LRRFIP2: variants seen among roughly 807,000 people sequenced by gnomAD.
The protein encoded by LRRFIP2 is LRR binding FLII interacting protein 2, also known as leucine-rich repeat flightless-interacting protein 2.
LRRFIP2 carries 109 observed loss-of-function variants against 125.9 expected under a neutral mutation model. The ratio of observed to expected loss-of-function variants is 0.87; its 90% CI spans 0.74 to 1.01. The LOEUF is 1.01. Among genes scored for constraint, LRRFIP2 ranks in the 50% least tolerant of loss-of-function variants. The pLI is 0.00. For missense variants in LRRFIP2, 850 were observed against 862.3 expected (o/e 0.99, Z 0.18); for synonymous variants, 291 against 293.1 (o/e 0.99, Z 0.07).
intron 2 of LRRFIP2, among the ~76,000 whole-genome samples, chr3:37,130,305 A>G (rs1375323520): frequency 6.6e-6 from 1 of 152,194 alleles, no homozygotes; most frequent in African/African-American, 2.4e-5. Flanking sequence ...TATCTTCTAC[A>G]TGGTTATATG....
At chr3:37,119,736 C>T (rs937594387) in intron 6 of LRRFIP2, among the ~76,000 whole-genome samples, 2 of 152,170 alleles carry the variant, frequency 1.3e-5, no homozygotes, top group African/African-American at 2.4e-5. Context: ...TCTCAGCTCA[C>T]TGCAACCTCC....
intron 2 of LRRFIP2, among the ~76,000 whole-genome samples, chr3:37,147,998 A>G (rs1159716577): frequency 6.6e-6 from 1 of 152,172 alleles, no homozygotes; most frequent in Non-Finnish European, 1.5e-5. Flanking sequence ...TTCCACTGCA[A>G]TGTTTCAAAA....
chr3:37,132,050 G>C (rs1577150517), intron 2 of LRRFIP2, among the ~76,000 whole-genome samples: 3 of 152,066 alleles, frequency 2.0e-5, no homozygotes, highest in African/African-American at 7.2e-5. Context: ...TTTTACACTG[G>C]CCTCCGTCTT....
chr3:37,153,548 T>C (rs2096090110), intron 1 of LRRFIP2, among the ~76,000 whole-genome samples: 1 of 152,230 alleles, frequency 6.6e-6, no homozygotes. Flanking sequence ...TTCTTTCTTT[T>C]CTTTCTCCTC....
intron 13 of LRRFIP2, 75 bp from the exon 14 acceptor site, chr3:37,105,598 G>T: frequency 9.1e-7 from 1 of 1,094,614 alleles, no homozygotes; most frequent in Admixed American, 1.8e-5. Flanking sequence ...GTACATTAAG[G>T]AAGGTTTTGA....
At chr3:37,054,604 A>C (rs1247328891) in intron 26 of LRRFIP2, 89 bp from the exon 27 acceptor site, 1 of 822,324 alleles carries the variant, frequency 1.2e-6, no homozygotes, top group Non-Finnish European at 2.0e-6. Flanking sequence ...TGTCATTATA[A>C]ATGCCAAGTA....
At chr3:37,161,179 TA>T (rs60688555) in intron 1 of LRRFIP2, among the ~76,000 whole-genome samples, 1,227 of 88,104 alleles carry the variant, frequency 0.014, 15 homozygotes, top group African/African-American at 0.045. Context: ...CCCCATCTAC[TA>T]AAAAAAAAAA....
chr3:37,070,109 TTCC>T (rs2090906426), intron 21 of LRRFIP2, among the ~76,000 whole-genome samples: 1 of 144,256 alleles, frequency 6.9e-6, no homozygotes. Context: ...TCTGTTAAAT[TTCC>T]TCTTTTTTTT....
At chr3:37,086,599 A>C (rs757483081) in intron 18 of LRRFIP2, among the ~76,000 whole-genome samples, 5 of 152,196 alleles carry the variant, frequency 3.3e-5, no homozygotes, top group Non-Finnish European at 7.3e-5. Context: ...TATTATGCTA[A>C]ATGAAAGCCA....
chr3:37,087,414 C>T lies in LRRFIP2; in HGVS notation c.1108-3608G>A, dbSNP rs2149109047. Among the ~76,000 whole-genome samples the T allele has an allele frequency of 1.3e-5, 2 of 152,246 alleles. 1 individual carries two copies. Among genetic ancestry groups the T allele is most frequent in the South Asian group, 4.1e-4 (2 of 4,828 alleles). On this transcript the variant is annotated intron_variant, in intron 18 of 27. Coordinates refer to ENST00000336686, the MANE Select transcript of LRRFIP2 (RefSeq NM_006309.4). ...ACCAGAATTTAAGATAGCTCAAGTA[C>T]TAGATGCATGCACAAAATATATAAT...
At chr3:37,136,162 G>A (rs1315678959) in intron 2 of LRRFIP2, among the ~76,000 whole-genome samples, 4 of 152,172 alleles carry the variant, frequency 2.6e-5, no homozygotes, top group African/African-American at 9.7e-5. Context: ...AAAACATTTT[G>A]CTAAGTCAAA....
rs1450529288 is a variant in LRRFIP2, at chr3:37,066,319, C to T, written c.1471G>A (p.Glu491Lys). Residue 491 changes from glutamate (E) to lysine (K), a missense_variant, in exon 22 of 28, where the codon GAG (glutamate) becomes AAG (lysine). By Grantham distance (56) the Glu-to-Lys change is moderately conservative. Transcript: ENST00000336686. ...CAGGCAATGTATTCTTTCTGTTTCT[C>T]TAGGGCCTGGTTTTAGGTAAGGTAG... Reference protein sequence around the residue: ...LWKDKKIGALEKQKEYIACLR... With the variant: ...LWKDKKIGALKKQKEYIACLR... 20 of 1,613,792 alleles carry T rather than the reference C, an allele frequency of 1.2e-5. No individual in the cohort carries two copies. Among genetic ancestry groups the T allele is most frequent in the Non-Finnish European group, 1.4e-5 (16 of 1,179,842 alleles).
chr3:37,118,964 T>C (rs906132849), intron 6 of LRRFIP2, among the ~76,000 whole-genome samples: 5 of 152,330 alleles, frequency 3.3e-5, no homozygotes, highest in African/African-American at 1.2e-4. Context: ...AAAATTATTT[T>C]AAAAGCAAAT....
At chr3:37,074,193 G>C (rs1288047336) in intron 20 of LRRFIP2, among the ~76,000 whole-genome samples, 1 of 152,156 alleles carries the variant, frequency 6.6e-6, no homozygotes, top group African/African-American at 2.4e-5. Flanking sequence ...GAGAGAAAGA[G>C]GGAGAGAAAA....
chr3:37,095,273 T>G (rs965849263), intron 16 of LRRFIP2, among the ~76,000 whole-genome samples: 1 of 152,262 alleles, frequency 6.6e-6, no homozygotes. Flanking sequence ...ATAACTGATA[T>G]GCTAATCAGC....
At chr3:37,072,576 C>T (rs2091413529) in intron 21 of LRRFIP2, among the ~76,000 whole-genome samples, 1 of 146,522 alleles carries the variant, frequency 6.8e-6, no homozygotes, top group Non-Finnish European at 1.5e-5. Flanking sequence ...CCTACTTATA[C>T]ATTTTACAAG....
At chr3:37,099,780 C>T (rs1398878142) in intron 15 of LRRFIP2, among the ~76,000 whole-genome samples, 1 of 152,052 alleles carries the variant, frequency 6.6e-6, no homozygotes, top group Non-Finnish European at 1.5e-5. Flanking sequence ...AGGCTAGAAC[C>T]CCCAAAAATA....
chr3:37,140,267 T>C (rs1433338535), intron 2 of LRRFIP2: 1 of 152,180 alleles, frequency 6.6e-6, no homozygotes, highest in South Asian at 2.1e-4. Context: ...TAAATCTCTA[T>C]GCCCAAGCTA....
intron 13 of LRRFIP2, among the ~76,000 whole-genome samples, chr3:37,107,682 C>T (rs1362157697): frequency 6.6e-6 from 1 of 152,026 alleles, no homozygotes; most frequent in Non-Finnish European, 1.5e-5. Flanking sequence ...CCTTTCACTG[C>T]ACTGATAGAA....
Sources: allele counts gnomAD v4.1 joint callset (sites outside exome capture counted in the v4.1 genomes callset), GRCh38; gene constraint gnomAD v4.1.1; transcripts MANE v1.5; gene names NCBI Gene and HGNC (gene_info 2026-07-23, HGNC 2026-07-21).